HIVEP2: variants seen among roughly 807,000 people sequenced by gnomAD.
The protein encoded by HIVEP2 is HIVEP zinc finger 2.
A neutral mutation model predicts 180.7 loss-of-function variants in HIVEP2; 14 were observed. That is an observed-to-expected ratio of 0.08 (90% CI 0.05 to 0.12). The LOEUF (loss-of-function observed/expected upper bound fraction) is 0.12. HIVEP2 is among the 10% of genes least tolerant of loss of function. The pLI, the probability that HIVEP2 is intolerant of heterozygous loss-of-function variation, is 1.00. For synonymous variants in HIVEP2, 1,184 were observed against 1,136.4 expected (o/e 1.04, Z -0.84); for missense variants, 2,579 against 3,008.5 (o/e 0.86, Z 3.34).
rs74718024 is a variant in HIVEP2 at position 142,832,546 on chromosome 6, T to A, written c.-528+4389A>T. Among the ~76,000 whole-genome samples, 1,131 of 152,226 alleles carry A rather than the reference T, an allele frequency of 7.4e-3. 12 individuals carry two copies. Among genetic ancestry groups the A allele is most frequent in the African/African-American group, 0.025 (1,051 of 41,550 alleles). On this transcript the variant is annotated intron_variant, in intron 2 of 9. Transcript: ENST00000367603. Reference sequence around the variant, plus strand: ...GTCAGTAAAGTGCATTAACCCAAAATGCAAATAATAGATGAGGTAGAAAAT... The same window carrying A: ...GTCAGTAAAGTGCATTAACCCAAAAAGCAAATAATAGATGAGGTAGAAAAT...
intron 2 of HIVEP2, among the ~76,000 whole-genome samples, chr6:142,821,394 T>C (rs2114832021): frequency 6.6e-6 from 1 of 152,306 alleles, no homozygotes; most frequent in South Asian, 2.1e-4. Flanking sequence ...ACTGGACATG[T>C]AGCATAGTGG....
Position 142,771,844 on chromosome 6 carries a change from G to C in HIVEP2, c.2895C>G (p.Arg965=). Residue 965 remains arginine (R), a synonymous_variant, in exon 5 of 10, where the codon CGC becomes CGG. Transcript: ENST00000367603. The surrounding 1 kb of genome is among the most constrained non-coding windows in gnomAD (Gnocchi z 5.4). ...SFESTGTGLS[R]SPSQESNLSH... is the part of the protein sequence containing the mutation. Reference sequence around the variant, plus strand: ...ACAAGTTGCTTTCTTGGCTGGGGCTGCGGGAGAGGCCTGTGCCTGTGGATT... The same window carrying C: ...ACAAGTTGCTTTCTTGGCTGGGGCTCCGGGAGAGGCCTGTGCCTGTGGATT... 6.2e-7 allele frequency: 1 copy of C among 1,614,228 alleles called. No homozygotes were observed. Among genetic ancestry groups the C allele is most frequent in the Non-Finnish European group, 8.5e-7 (1 of 1,180,046 alleles).
At chr6:142,923,521 A>G (rs956588209) in intron 1 of HIVEP2, among the ~76,000 whole-genome samples, 27 of 152,344 alleles carry the variant, frequency 1.8e-4, no homozygotes, top group Admixed American at 1.3e-3. Context: ...TTTCTTTTTC[A>G]AAACCATTCA....
At chr6:142,894,908 C>T (rs899029336) in intron 1 of HIVEP2, among the ~76,000 whole-genome samples, 1 of 152,172 alleles carries the variant, frequency 6.6e-6, no homozygotes, top group African/African-American at 2.4e-5. Flanking sequence ...TTCATCTTCA[C>T]AACAACGCTG....
At position 142,768,405 on chromosome 6, in the gene HIVEP2, G is replaced by C; in HGVS notation, c.5319C>G (p.Ile1773Met). 1 of 1,610,210 alleles carries C rather than the reference G, an allele frequency of 6.2e-7. No individual in the cohort carries two copies. The highest frequency in any genetic ancestry group is 8.5e-7 in the Non-Finnish European group (1 of 1,178,754). The change falls in exon 6 of 10, where the codon ATC becomes ATG. Residue 1773 changes from isoleucine (I) to methionine (M), a missense_variant. Physicochemically the swap from Ile to Met is conservative, Grantham distance 10 (BLOSUM62 1). Coordinates refer to ENST00000367603, the MANE Select transcript of HIVEP2 (RefSeq NM_006734.4). ...ACCCTCCTTCAAATATTTTAATTCG[G>C]ATTGGCTCAGTTTGTTTGGATCCAA... ...KDIGSKQTEP[I>M]RIKIFEGGYK...
At chr6:142,912,836 A>G (rs1777448884) in intron 1 of HIVEP2, among the ~76,000 whole-genome samples, 1 of 152,196 alleles carries the variant, frequency 6.6e-6, no homozygotes, top group Non-Finnish European at 1.5e-5. Flanking sequence ...GGTGCCAAAA[A>G]GGTTGGAGAC....
At chr6:142,834,164 C>A (rs1241096862) in intron 2 of HIVEP2, among the ~76,000 whole-genome samples, 1 of 152,062 alleles carries the variant, frequency 6.6e-6, no homozygotes, top group Non-Finnish European at 1.5e-5. Context: ...GGGTTTTCTT[C>A]CTTTTCATTT....
At chr6:142,841,796 TA>T (rs1179929070) in intron 1 of HIVEP2, among the ~76,000 whole-genome samples, 1 of 152,166 alleles carries the variant, frequency 6.6e-6, no homozygotes, top group Non-Finnish European at 1.5e-5. Context: ...TTATATTCAA[TA>T]GACATTTATA....
At chr6:142,929,266 C>T (rs9376717) in intron 1 of HIVEP2, among the ~76,000 whole-genome samples, 147,157 of 152,288 alleles carry the variant, frequency 0.97, 71,096 homozygotes, top group Middle Eastern at 0.98. Context: ...TGGTCTATAC[C>T]TAGTTGCTGA....
At chr6:142,792,046 G>A (rs1489475864) in intron 2 of HIVEP2, among the ~76,000 whole-genome samples, 3 of 152,176 alleles carry the variant, frequency 2.0e-5, no homozygotes, top group Non-Finnish European at 4.4e-5. Flanking sequence ...ACATAGACAA[G>A]AGAAGGGGTA....
intron 1 of HIVEP2, among the ~76,000 whole-genome samples, chr6:142,875,994 G>A (rs1776424868): frequency 6.6e-6 from 1 of 152,124 alleles, no homozygotes; most frequent in Admixed American, 6.5e-5. Context: ...GAAGATAGGA[G>A]GATTTAGATA....
At chr6:142,754,172 T>C (rs781456156) in intron 9 of HIVEP2, among the ~76,000 whole-genome samples, 16 of 152,086 alleles carry the variant, frequency 1.1e-4, no homozygotes, top group Non-Finnish European at 1.9e-4. Context: ...AACAGCAAGG[T>C]GATAAAGCAG....
chr6:142,761,481 G>A lies in HIVEP2; in HGVS notation c.5603C>T (p.Thr1868Ile). 6.3e-7 allele frequency: 1 copy of A among 1,590,512 alleles called. No homozygotes were observed. Among genetic ancestry groups the A allele is most frequent in the Non-Finnish European group, 8.6e-7 (1 of 1,158,718 alleles). ...ATACACACCTGCTTCCTCAGTTTCT[G>A]TATCATCCACCGATGTCATTGAGAC... is the stretch of plus-strand genomic sequence containing the variant. ...LGVSMTSVDD[T>I]ETEEAENLED... The change falls in exon 8 of 10, where the codon ACA becomes ATA. Residue 1868 changes from threonine to isoleucine, a missense_variant. Physicochemically the swap from Thr to Ile is moderately conservative, Grantham distance 89. Transcript: ENST00000367603.
At position 142,784,268 on chromosome 6, in the gene HIVEP2, T is replaced by C. The variant is rs1030857825; in HGVS notation, c.-527-653A>G. On this transcript the variant is annotated intron_variant, in intron 2 of 9. Coordinates refer to ENST00000367603, the MANE Select transcript of HIVEP2 (RefSeq NM_006734.4). ...CCAGTATAAAAGACCTACTTAAAAA[T>C]AATATTATAATACCCATAATCGTAT... is the stretch of plus-strand genomic sequence containing the variant. Among the ~76,000 whole-genome samples, 4 of 152,158 alleles carry C rather than the reference T, an allele frequency of 2.6e-5. No individual in the cohort carries two copies. In the East Asian group the frequency reaches 7.7e-4, roughly 29 times the overall value.
chr6:142,809,745 C>G (rs1260263755), intron 2 of HIVEP2, among the ~76,000 whole-genome samples: 1 of 152,078 alleles, frequency 6.6e-6, no homozygotes, highest in African/African-American at 2.4e-5. Flanking sequence ...AGGTGCCCAC[C>G]ACCATGTCCT....
At chr6:142,906,260 A>G (rs1239813776) in intron 1 of HIVEP2, among the ~76,000 whole-genome samples, 1 of 152,220 alleles carries the variant, frequency 6.6e-6, no homozygotes, top group Non-Finnish European at 1.5e-5. Context: ...GGTAAAGCTA[A>G]TATCATTTAA....
chr6:142,854,361 G>A (rs1775764728), intron 1 of HIVEP2, among the ~76,000 whole-genome samples: 1 of 152,152 alleles, frequency 6.6e-6, no homozygotes. Flanking sequence ...TAACCATGCT[G>A]GAGCTAAGAA....
At chr6:142,900,912 T>C (rs556535139) in intron 1 of HIVEP2, among the ~76,000 whole-genome samples, 1 of 152,170 alleles carries the variant, frequency 6.6e-6, no homozygotes, top group Non-Finnish European at 1.5e-5. Context: ...ACAGAATAGG[T>C]TCTTCGTGTT....
At chr6:142,785,779 C>T (rs535467625) in intron 2 of HIVEP2, among the ~76,000 whole-genome samples, 1 of 152,252 alleles carries the variant, frequency 6.6e-6, no homozygotes, top group East Asian at 1.9e-4. Context: ...CCCTTTTTAC[C>T]CGGTAAGAGG....
Sources: gnomAD v4.1 joint callset for allele counts (sites outside exome capture counted in the v4.1 genomes callset) on GRCh38, gnomAD v4.1.1 for gene constraint, Gnocchi (gnomAD v3.1) non-coding constraint, MANE v1.5 for transcripts, NCBI Gene and HGNC (gene_info 2026-07-23, HGNC 2026-07-21) for gene names.